Variants in SUPT3H observed in about 807,000 individuals in gnomAD.
The protein encoded by SUPT3H is SPT3 homolog, SAGA and STAGA complex component.
Under a neutral mutation model 44.3 loss-of-function variants are expected in SUPT3H, and 44 were observed. The observed-to-expected ratio is 0.99, with a 90% CI of 0.78 to 1.28. The LOEUF (loss-of-function observed/expected upper bound fraction) is 1.28, where lower values mean the gene tolerates loss of function less well. Among genes scored for constraint, SUPT3H ranks in the 50% most tolerant of loss-of-function variants. The pLI, the probability that SUPT3H is intolerant of heterozygous loss-of-function variation, is 0.00. For missense variants in SUPT3H, 380 were observed against 387.1 expected (o/e 0.98, Z 0.15); for synonymous variants, 124 against 125.6 (o/e 0.99, Z 0.09).
At chr6:44,881,043 T>C in intron 10 of SUPT3H, among the ~76,000 whole-genome samples, 1 of 152,030 alleles carries the variant, frequency 6.6e-6, no homozygotes, top group East Asian at 1.9e-4. Flanking sequence ...CAGATCAAAT[T>C]CACACATAAT....
chr6:45,226,355 A>G lies in SUPT3H; in HGVS notation c.102-120349T>C, dbSNP rs181155952. Among the ~76,000 whole-genome samples the G allele has an allele frequency of 2.0e-5, 3 of 152,194 alleles. No homozygotes were observed. The East Asian group carries it at 5.8e-4, about 29-fold the overall frequency. Reference sequence around the variant, plus strand: ...TATGTTTGAGTGTGTGTGTGTGTATAACGTTTACTCAAATACAGAAAAAAA... The same window carrying G: ...TATGTTTGAGTGTGTGTGTGTGTATGACGTTTACTCAAATACAGAAAAAAA... On this transcript the variant is annotated intron_variant, in intron 2 of 10. Transcript: ENST00000371459.
At chr6:45,229,692 TTC>T (rs759273085) in intron 2 of SUPT3H, among the ~76,000 whole-genome samples, 2 of 152,166 alleles carry the variant, frequency 1.3e-5, no homozygotes, top group Non-Finnish European at 1.5e-5. Context: ...CACATTTTGT[TTC>T]TCTCTTTTAT....
At chr6:45,370,419 T>C (rs552503503) in intron 1 of SUPT3H, among the ~76,000 whole-genome samples, 32 of 152,124 alleles carry the variant, frequency 2.1e-4, no homozygotes, top group African/African-American at 7.0e-4. Flanking sequence ...TGGGCCTATG[T>C]TAAGTTTGAG....
At chr6:45,363,872 A>G (rs953512614) in intron 2 of SUPT3H, among the ~76,000 whole-genome samples, 1 of 151,942 alleles carries the variant, frequency 6.6e-6, no homozygotes, top group Non-Finnish European at 1.5e-5. Flanking sequence ...CAGGTTTACT[A>G]CTTTTCAAGT....
intron 10 of SUPT3H, among the ~76,000 whole-genome samples, chr6:44,926,725 T>C (rs1364036613): frequency 6.6e-6 from 1 of 152,192 alleles, no homozygotes; most frequent in Non-Finnish European, 1.5e-5. Flanking sequence ...AAATTAACAA[T>C]AGTTTCTATT....
At chr6:44,954,673 C>A in intron 7 of SUPT3H, 66 bp from the exon 8 acceptor site, 1 of 876,270 alleles carries the variant, frequency 1.1e-6, no homozygotes, top group Non-Finnish European at 1.9e-6. Context: ...CTGCACATTA[C>A]TATCACAAAA....
At chr6:44,887,931 G>A (rs553012877) in intron 10 of SUPT3H, among the ~76,000 whole-genome samples, 4 of 152,192 alleles carry the variant, frequency 2.6e-5, no homozygotes, top group Non-Finnish European at 5.9e-5. Flanking sequence ...AAATGATAAA[G>A]GGGATATCAC....
At position 45,296,738 on chromosome 6, in the gene SUPT3H, CAAAAAAAAAAA is replaced by C. The variant is rs60921436; in HGVS notation, c.101+68452_101+68462del. On this transcript the variant is annotated intron_variant, in intron 2 of 10. Coordinates refer to ENST00000371459, the MANE Select transcript of SUPT3H (RefSeq NM_003599.4). ...TGGCCAACAGAGTAAGACTCTGTCT[CAAAAAAAAAAA>C]AAAAAAAAAAAAAAATTACAAATAG... is the stretch of plus-strand genomic sequence containing the variant. Among the ~76,000 whole-genome samples, 21 of 29,706 alleles carry C rather than the reference CAAAAAAAAAAA, an allele frequency of 7.1e-4. 2 individuals are homozygous for C. In the East Asian group the frequency reaches 7.3e-3, roughly 10 times the overall value. 19.5% of individuals were successfully genotyped at this position (29,706 alleles called of 152,430 possible).
At chr6:45,297,062 C>G (rs1216324619) in intron 2 of SUPT3H, among the ~76,000 whole-genome samples, 1 of 146,084 alleles carries the variant, frequency 6.8e-6, no homozygotes, top group Non-Finnish European at 1.5e-5. Flanking sequence ...CCCCAATAAC[C>G]TACGGAAATA....
chr6:44,936,591 T>C (rs1771459308), intron 9 of SUPT3H, among the ~76,000 whole-genome samples: 1 of 151,744 alleles, frequency 6.6e-6, no homozygotes, highest in Non-Finnish European at 1.5e-5. Flanking sequence ...CATGCAATAT[T>C]TGACTTTCTG....
chr6:45,151,455 C>T (rs1806959438), intron 2 of SUPT3H, among the ~76,000 whole-genome samples: 1 of 152,074 alleles, frequency 6.6e-6, no homozygotes. Flanking sequence ...ATTAAGATTG[C>T]TCATATCAAA....
chr6:44,842,380 GA>G (rs1771085263), intron 10 of SUPT3H, among the ~76,000 whole-genome samples: 1 of 151,868 alleles, frequency 6.6e-6, no homozygotes, highest in African/African-American at 2.4e-5. Context: ...ATTGGATTTA[GA>G]AATATAAATA....
chr6:45,025,384 T>C (rs1785809611), intron 3 of SUPT3H, among the ~76,000 whole-genome samples: 2 of 152,176 alleles, frequency 1.3e-5, no homozygotes, highest in Admixed American at 6.5e-5. Flanking sequence ...TACACGTAGG[T>C]CCAGAACCAT....
intron 8 of SUPT3H, among the ~76,000 whole-genome samples, chr6:44,953,709 T>C (rs1401660297): frequency 1.3e-5 from 2 of 152,042 alleles, no homozygotes; most frequent in Non-Finnish European, 2.9e-5. Flanking sequence ...AAGCATATAG[T>C]CTAGGAATTT....
chr6:45,347,847 T>C (rs891638931), intron 2 of SUPT3H, among the ~76,000 whole-genome samples: 5 of 152,182 alleles, frequency 3.3e-5, no homozygotes, highest in Non-Finnish European at 5.9e-5. Context: ...TTGTAATTAC[T>C]ATTTTTAAAA....
chr6:45,013,861 T>A (rs992011798), intron 5 of SUPT3H, among the ~76,000 whole-genome samples: 1 of 152,082 alleles, frequency 6.6e-6, no homozygotes, highest in East Asian at 1.9e-4. Flanking sequence ...TGAGTTAAGG[T>A]GGCAGAATGG....
At chr6:45,103,901 TA>T in intron 3 of SUPT3H, among the ~76,000 whole-genome samples, 1 of 152,204 alleles carries the variant, frequency 6.6e-6, no homozygotes, top group Non-Finnish European at 1.5e-5. Context: ...TAACAGAAAC[TA>T]ATGTAGGTCA....
intron 2 of SUPT3H, among the ~76,000 whole-genome samples, chr6:45,128,549 TATATATATACACACAC>T (rs1802869193): frequency 1.5e-5 from 1 of 66,038 alleles, no homozygotes; most frequent in Non-Finnish European, 2.7e-5. Flanking sequence ...TATATATATA[TATATATATACACACAC>T]ACACACACAC....
chr6:44,881,818 A>G (rs992331937), intron 10 of SUPT3H, among the ~76,000 whole-genome samples: 4 of 152,222 alleles, frequency 2.6e-5, no homozygotes, highest in Non-Finnish European at 5.9e-5. Flanking sequence ...GCAGAAGTAA[A>G]TAAGTTCTTC....
Sources: gnomAD v4.1 joint callset for allele counts (sites outside exome capture counted in the v4.1 genomes callset) on GRCh38, gnomAD v4.1.1 for gene constraint, MANE v1.5 for transcripts, NCBI Gene and HGNC (gene_info 2026-07-23, HGNC 2026-07-21) for gene names.